LRP12: variants seen among roughly 807,000 people sequenced by gnomAD.
LRP12 encodes LDL receptor related protein 12.
Under a neutral mutation model 66.0 loss-of-function variants are expected in LRP12, and 14 were observed. The ratio of observed to expected loss-of-function variants is 0.21; its 90% CI spans 0.14 to 0.33. The LOEUF (loss-of-function observed/expected upper bound fraction) is 0.33, where lower values mean the gene tolerates loss of function less well. Among genes scored for constraint, LRP12 ranks in the 10% least tolerant of loss-of-function variants. The pLI is 1.00. For synonymous variants in LRP12, 357 were observed against 359.1 expected (o/e 0.99, Z 0.07); for missense variants, 889 against 1,053.4 (o/e 0.84, Z 2.16).
intron 2 of LRP12, among the ~76,000 whole-genome samples, chr8:104,524,643 C>T (rs1179670649): frequency 6.6e-6 from 1 of 152,034 alleles, no homozygotes; most frequent in Non-Finnish European, 1.5e-5. Flanking sequence ...AATGCATATA[C>T]AATTATTTTT....
chr8:104,573,606 A>T (rs2140895828), intron 1 of LRP12, among the ~76,000 whole-genome samples: 2 of 152,170 alleles, frequency 1.3e-5, no homozygotes, highest in East Asian at 1.9e-4. Context: ...TTAGTACAAA[A>T]TTTTTAATTT....
intron 3 of LRP12, among the ~76,000 whole-genome samples, chr8:104,500,912 T>C (rs946238106): frequency 3.4e-4 from 52 of 152,332 alleles, no homozygotes; most frequent in African/African-American, 1.2e-3. Flanking sequence ...CAAAGTACCA[T>C]ATACCCCACA....
intron 6 of LRP12, 83 bp from the exon 7 acceptor site, chr8:104,491,622 A>G (rs901495717): frequency 2.7e-6 from 3 of 1,128,106 alleles, no homozygotes; most frequent in Non-Finnish European, 3.7e-6. Context: ...TCTATTAAGA[A>G]TGTGTTGTGG....
intron 1 of LRP12, among the ~76,000 whole-genome samples, chr8:104,535,718 G>C (rs540751770): frequency 6.6e-6 from 1 of 152,004 alleles, no homozygotes; most frequent in African/African-American, 2.4e-5. Flanking sequence ...TAACTGCGTG[G>C]ATTGAACATT....
chr8:104,510,993 C>A (rs1810985241), intron 2 of LRP12, among the ~76,000 whole-genome samples: 1 of 148,038 alleles, frequency 6.8e-6, no homozygotes, highest in Non-Finnish European at 1.5e-5. Context: ...AAGAGATGGC[C>A]AAATACCACT....
Position 104,499,312 on chromosome 8 carries a change from C to T in LRP12, c.475+5G>A. The stretch of plus-strand genomic sequence containing the variant: ...GTTCAATATCTTTCTTATTTAAAAA[C>T]ACACCTGAAAAATATGCCAGTCTGA... On this transcript the variant is annotated splice_donor_5th_base_variant and intron_variant, in intron 4 of 6. Coordinates refer to ENST00000276654, the MANE Select transcript of LRP12 (RefSeq NM_013437.5). 1 of 1,606,436 alleles carries T rather than the reference C, an allele frequency of 6.2e-7. No homozygotes were observed. The highest frequency in any genetic ancestry group is 8.5e-7 in the Non-Finnish European group (1 of 1,176,490).
At position 104,531,948 on chromosome 8, in the gene LRP12, G is replaced by C; in HGVS notation, c.95C>G (p.Ala32Gly). 6.3e-7 allele frequency: 1 copy of C among 1,586,392 alleles called. No homozygotes were observed. Among genetic ancestry groups the C allele is most frequent in the Non-Finnish European group, 8.6e-7 (1 of 1,168,574 alleles). ...AATATGCACATTTTCAGAATGTTCT[G>C]CAAGAGCACCATTTCCTAAAATTAA... Reference protein sequence around the residue: ...LAGVYGNGALAEHSENVHISG... With the variant: ...LAGVYGNGALGEHSENVHISG... Residue 32 changes from alanine to glycine, a missense_variant, in exon 2 of 7, where the codon GCA becomes GGA. Physicochemically the swap from Ala to Gly is moderately conservative, Grantham distance 60. Coordinates refer to ENST00000276654, the MANE Select transcript of LRP12 (RefSeq NM_013437.5).
intron 2 of LRP12, among the ~76,000 whole-genome samples, chr8:104,513,776 T>C (rs1464565543): frequency 6.6e-6 from 1 of 152,214 alleles, no homozygotes; most frequent in Non-Finnish European, 1.5e-5. Flanking sequence ...ACTGGTTTCA[T>C]GGTTAATTCC....
intron 1 of LRP12, among the ~76,000 whole-genome samples, chr8:104,534,964 T>G (rs1183279141): frequency 6.6e-6 from 1 of 151,348 alleles, no homozygotes; most frequent in Non-Finnish European, 1.5e-5. Flanking sequence ...CTATGACTAG[T>G]GTTCAAATGC....
intron 2 of LRP12, among the ~76,000 whole-genome samples, chr8:104,519,967 T>A (rs1159529812): frequency 6.6e-6 from 1 of 151,748 alleles, no homozygotes; most frequent in Admixed American, 6.6e-5. Flanking sequence ...TCACTAATGT[T>A]CAGAACAATC....
At chr8:104,547,329 G>A (rs1368660323) in intron 1 of LRP12, among the ~76,000 whole-genome samples, 6 of 124,716 alleles carry the variant, frequency 4.8e-5, no homozygotes, top group African/African-American at 1.9e-4. Context: ...GTTATATTTT[G>A]TATATAATAT....
chr8:104,512,534 C>G (rs1811013982), intron 2 of LRP12, among the ~76,000 whole-genome samples: 1 of 152,042 alleles, frequency 6.6e-6, no homozygotes, highest in Non-Finnish European at 1.5e-5. Context: ...TCTGTACTAC[C>G]ATGTAAGTAC....
At chr8:104,507,811 A>G (rs1229462025) in intron 3 of LRP12, 1 of 152,190 alleles carries the variant, frequency 6.6e-6, no homozygotes, top group Non-Finnish European at 1.5e-5. Context: ...GGAAAATAAA[A>G]GGAAAACAAA....
chr8:104,557,946 A>G (rs1347370313), intron 1 of LRP12, among the ~76,000 whole-genome samples: 3 of 152,076 alleles, frequency 2.0e-5, no homozygotes, highest in Non-Finnish European at 4.4e-5. Context: ...GCAGTGGTTC[A>G]CTCCTGTAAT....
intron 3 of LRP12, 117 bp downstream of exon 3, chr8:104,508,822 T>G: frequency 1.1e-6 from 1 of 896,026 alleles, no homozygotes; most frequent in Non-Finnish European, 1.7e-6. Context: ...TAGCTGTTCT[T>G]TATTACATCT....
intron 1 of LRP12, among the ~76,000 whole-genome samples, chr8:104,570,359 C>T (rs556999494): frequency 7.2e-5 from 11 of 152,164 alleles, no homozygotes; most frequent in South Asian, 6.2e-4. Flanking sequence ...GGATTGCATA[C>T]GCTACCCAAT....
At chr8:104,552,590 CT>C (rs771992592) in intron 1 of LRP12, among the ~76,000 whole-genome samples, 4 of 152,118 alleles carry the variant, frequency 2.6e-5, no homozygotes, top group Non-Finnish European at 5.9e-5. Flanking sequence ...CTTACCTACT[CT>C]TTCATGGAAC....
chr8:104,511,791 CA>C (rs953033093), intron 2 of LRP12, among the ~76,000 whole-genome samples: 6 of 152,076 alleles, frequency 3.9e-5, no homozygotes, highest in Admixed American at 2.0e-4. Context: ...GGTGCACTGC[CA>C]AAGGGCATCT....
At position 104,490,881 on chromosome 8, in the gene LRP12, C is replaced by G. The variant is rs1411732690; in HGVS notation, c.2372G>C (p.Cys791Ser). ...DGSSDFDVND[C>S]SRPLLDLASD... ...GGCAAGATCAAGAAGAGGTCTGGAGCAGTCATTCACATCAAAGTCTGAAGA... is the reference window on the plus strand; with the variant it reads ...GGCAAGATCAAGAAGAGGTCTGGAGGAGTCATTCACATCAAAGTCTGAAGA... Residue 791 changes from cysteine (C) to serine (S), a missense_variant, in exon 7 of 7, where the codon TGC (cysteine) becomes TCC (serine). Cys to Ser is a moderately radical substitution (Grantham distance 112). Transcript: ENST00000276654. The G allele has an allele frequency of 6.2e-7, 1 of 1,614,114 alleles. No individual in the cohort carries two copies. The highest frequency in any genetic ancestry group is 8.5e-7 in the Non-Finnish European group (1 of 1,180,008).
Sources: allele counts gnomAD v4.1 joint callset (sites outside exome capture counted in the v4.1 genomes callset), GRCh38; gene constraint gnomAD v4.1.1; transcripts MANE v1.5; gene names NCBI Gene and HGNC (gene_info 2026-07-23, HGNC 2026-07-21).